BNC2: variants seen among roughly 807,000 people sequenced by gnomAD.
The protein encoded by BNC2 is zinc finger protein basonuclin-2.
BNC2 carries 20 observed loss-of-function variants against 76.3 expected under a neutral mutation model. The ratio of observed to expected loss-of-function variants is 0.26; its 90% CI spans 0.18 to 0.38. The LOEUF is 0.38. Among genes scored for constraint, BNC2 ranks in the 10% least tolerant of loss-of-function variants. The probability of loss-of-function intolerance (pLI) is 1.00; values close to 1 mark genes in which losing one functional copy is unlikely to be tolerated. For synonymous variants in BNC2, 582 were observed against 514.8 expected, an observed-to-expected ratio of 1.13 and a Z score of -1.77; for missense variants, 1,382 against 1,399.8, an observed-to-expected ratio of 0.99 and a Z score of 0.20.
chr9:16,773,364 T>A (rs1825878600), intron 1 of BNC2, among the ~76,000 whole-genome samples: 1 of 152,134 alleles, frequency 6.6e-6, no homozygotes, highest in Non-Finnish European at 1.5e-5. Flanking sequence ...AAGCCTTTTT[T>A]CCCCTCTCTC....
intron 5 of BNC2, among the ~76,000 whole-genome samples, chr9:16,445,211 G>C (rs1821206724): frequency 6.6e-6 from 1 of 152,198 alleles, no homozygotes; most frequent in African/African-American, 2.4e-5. Context: ...ATGTTTATTT[G>C]TTTTAGCAGA....
chr9:16,531,922 G>T (rs1296199338), intron 5 of BNC2, among the ~76,000 whole-genome samples: 1 of 152,010 alleles, frequency 6.6e-6, no homozygotes, highest in Non-Finnish European at 1.5e-5. Flanking sequence ...CTTAAATGGG[G>T]AAGTTTGACA....
Position 16,870,576 on chromosome 9 carries a change from G to A in BNC2, c.3+70C>T, listed in dbSNP as rs1819658507. On this transcript the variant is annotated intron_variant, in intron 1 of 6. Transcript: ENST00000380672. ...ACACGGCCCCCGGGCGGCCCCGGTG[G>A]CGCTCGGGCGCGGGGGTCATTTCTG... is the stretch of plus-strand genomic sequence containing the variant. 3 of 1,578,836 alleles carry A rather than the reference G, an allele frequency of 1.9e-6. No homozygotes were observed. The East Asian group carries it at 7.0e-5, about 37-fold the overall frequency.
At chr9:16,572,172 A>C (rs536584317) in intron 4 of BNC2, among the ~76,000 whole-genome samples, 243 of 152,326 alleles carry the variant, frequency 1.6e-3, no homozygotes, top group Non-Finnish European at 2.4e-3. Context: ...TATCTTCTGA[A>C]TAAAACAAAA....
chr9:16,855,786 G>C (rs1819239773), intron 1 of BNC2, among the ~76,000 whole-genome samples: 1 of 151,250 alleles, frequency 6.6e-6, no homozygotes, highest in African/African-American at 2.4e-5. Context: ...CTGACCCCAT[G>C]ATCTGCCTGC....
chr9:16,511,445 T>TTTAA (rs1413453268), intron 5 of BNC2, among the ~76,000 whole-genome samples: 2 of 138,988 alleles, frequency 1.4e-5, no homozygotes, highest in African/African-American at 5.4e-5. Context: ...TTTTTTTTTT[T>TTTAA]GAGGCAGGGT....
intron 3 of BNC2, among the ~76,000 whole-genome samples, chr9:16,666,705 A>G (rs1232669702): frequency 6.6e-6 from 1 of 152,218 alleles, no homozygotes; most frequent in Non-Finnish European, 1.5e-5. Flanking sequence ...CATGGTATCT[A>G]AACAGCAAAT....
intron 6 of BNC2, among the ~76,000 whole-genome samples, chr9:16,431,750 G>C (rs1820911880): frequency 6.6e-6 from 1 of 152,124 alleles, no homozygotes; most frequent in Admixed American, 6.5e-5. Flanking sequence ...TGTGAGTAGG[G>C]GGTATAGTTT....
intron 2 of BNC2, among the ~76,000 whole-genome samples, chr9:16,734,445 G>T (rs932838175): frequency 3.8e-4 from 11 of 28,746 alleles, no homozygotes; most frequent in South Asian, 2.9e-3. Context: ...TCAATCACTG[G>T]CCCCTCTCAT....
At chr9:16,627,695 G>C (rs1821037946) in intron 3 of BNC2, among the ~76,000 whole-genome samples, 1 of 152,098 alleles carries the variant, frequency 6.6e-6, no homozygotes, top group Admixed American at 6.5e-5. Flanking sequence ...TGTTTCTTAT[G>C]AGCTGTAATA....
chr9:16,499,530 C>CTT (rs763681726), intron 5 of BNC2, among the ~76,000 whole-genome samples: 2,410 of 127,050 alleles, frequency 0.019, 101 homozygotes, highest in South Asian at 0.12. Context: ...CTTTTTTTTT[C>CTT]TTTTTTTTTT....
At chr9:16,727,501 G>A in intron 3 of BNC2, 2 of 342,178 alleles carry the variant, frequency 5.8e-6, no homozygotes, top group Non-Finnish European at 1.1e-5. Flanking sequence ...AGAAAACAAA[G>A]AAATAAATTA....
intron 3 of BNC2, among the ~76,000 whole-genome samples, chr9:16,686,769 C>G (rs2134362070): frequency 6.6e-6 from 1 of 152,324 alleles, no homozygotes; most frequent in East Asian, 1.9e-4. Context: ...GTATACTCCA[C>G]TTTGCAAGTT....
chr9:16,771,756 A>C (rs568590676), intron 1 of BNC2, among the ~76,000 whole-genome samples: 87 of 152,266 alleles, frequency 5.7e-4, no homozygotes, highest in African/African-American at 2.1e-3. Context: ...ACTTTCTTCA[A>C]TTTTCCCTAG....
At chr9:16,419,745 G>T in intron 6 of BNC2, 96 bp from the exon 7 acceptor site, 2 of 829,858 alleles carry the variant, frequency 2.4e-6, no homozygotes, top group Non-Finnish European at 4.0e-6. Context: ...CTTTCACTAG[G>T]TATCAAATAA....
intron 1 of BNC2, chr9:16,775,671 C>A: frequency 4.7e-6 from 1 of 211,450 alleles, no homozygotes; most frequent in South Asian, 1.0e-4. Flanking sequence ...GTCTGCTGGT[C>A]CACGCTTTGG....
intron 3 of BNC2, among the ~76,000 whole-genome samples, chr9:16,595,739 A>G (rs1197851058): frequency 1.3e-5 from 2 of 152,138 alleles, no homozygotes; most frequent in East Asian, 3.8e-4. Context: ...ATGGTTTTTA[A>G]AAACAGACAT....
At chr9:16,627,360 T>C (rs919398992) in intron 3 of BNC2, among the ~76,000 whole-genome samples, 1 of 152,176 alleles carries the variant, frequency 6.6e-6, no homozygotes, top group African/African-American at 2.4e-5. Context: ...TCAAAGCATA[T>C]TCCTATGTAA....
intron 5 of BNC2, among the ~76,000 whole-genome samples, chr9:16,512,012 G>A (rs572557108): frequency 1.3e-4 from 20 of 152,248 alleles, no homozygotes; most frequent in African/African-American, 4.6e-4. Flanking sequence ...AAAAATTTAT[G>A]TGAAACCTAC....
Sources: gnomAD v4.1 joint callset for allele counts (sites outside exome capture counted in the v4.1 genomes callset) on GRCh38, gnomAD v4.1.1 for gene constraint, MANE v1.5 for transcripts, NCBI Gene and HGNC (gene_info 2026-07-23, HGNC 2026-07-21) for gene names.